The following UPRT variants were observed in gnomAD, a reference collection of about 807,000 sequenced individuals.
UPRT encodes the protein RP11-311P8.3.
A neutral mutation model predicts 22.6 loss-of-function variants in UPRT; 5 were observed. The observed-to-expected ratio is 0.22, with a 90% CI of 0.12 to 0.47. UPRT has a LOEUF of 0.47. UPRT is among the 20% of genes least tolerant of loss of function. The pLI is 0.99. For synonymous variants in UPRT, 77 were observed against 87.7 expected (o/e 0.88, Z 0.68); for missense variants, 181 against 239.9 (o/e 0.75, Z 1.62).
upstream of UPRT, among the ~76,000 whole-genome samples, chrX:75,269,860 C>G (rs1398783360): frequency 9.0e-6 from 1 of 111,340 alleles, no homozygotes; most frequent in Non-Finnish European, 1.9e-5. Flanking sequence ...GACTTCATGA[C>G]TAAAACAGCA....
In UPRT at chrX:75,288,460, A is replaced by G. The variant is rs1353717176; in HGVS notation, c.387-5012A>G. 2.7e-5 allele frequency among the ~76,000 whole-genome samples: 3 copies of G among 112,325 alleles called. No homozygotes were observed. The Admixed American group carries it at 2.8e-4, about 11-fold the overall frequency. On this transcript the variant is annotated intron_variant, in intron 1 of 6. Coordinates refer to ENST00000373383, the MANE Select transcript of UPRT (RefSeq NM_145052.4). ...AAAATACTAGCGAAACAAATTCAAC[A>G]GCACATCAAAAAGTTAATTTGCCAT...
chrX:75,250,353 A>T (rs1265420341), intron 4 of UPRT, among the ~76,000 whole-genome samples: 1 of 110,739 alleles, frequency 9.0e-6, no homozygotes. Flanking sequence ...AATCAATTAG[A>T]TGCAATAAAA....
chrX:75,277,772 ATCTTGTTT>A (rs2082637420), intron 1 of UPRT, among the ~76,000 whole-genome samples: 2 of 111,851 alleles, frequency 1.8e-5, no homozygotes, highest in Non-Finnish European at 3.8e-5. Context: ...GATAATTTTT[ATCTTGTTT>A]TGATATAGTA....
chrX:75,159,186 G>A (rs1334019129), intron 1 of UPRT, among the ~76,000 whole-genome samples: 2 of 111,096 alleles, frequency 1.8e-5, no homozygotes, highest in Non-Finnish European at 3.8e-5. Context: ...TACTTTTTTA[G>A]CTCCCACATA....
chrX:75,256,347 C>G (rs961729325), intron 4 of UPRT, among the ~76,000 whole-genome samples: 1 of 111,808 alleles, frequency 8.9e-6, no homozygotes, highest in Non-Finnish European at 1.9e-5. Context: ...ATCAAATCCT[C>G]TAGGTACAGC....
chrX:75,280,400 T>C (rs2082650503), intron 1 of UPRT, among the ~76,000 whole-genome samples: 1 of 112,406 alleles, frequency 8.9e-6, no homozygotes, highest in Non-Finnish European at 1.9e-5. Flanking sequence ...TTTTATAGTT[T>C]CAGGTCTTAG....
intron 4 of UPRT, among the ~76,000 whole-genome samples, chrX:75,217,225 T>C (rs1270285089): frequency 9.0e-6 from 1 of 111,117 alleles, no homozygotes; most frequent in Non-Finnish European, 1.9e-5. Context: ...AAAAAGAGTG[T>C]TGTTACGTAG....
intron 4 of UPRT, among the ~76,000 whole-genome samples, chrX:75,247,669 G>A (rs1233386729): frequency 8.9e-6 from 1 of 112,690 alleles, no homozygotes; most frequent in Non-Finnish European, 1.9e-5. Flanking sequence ...CAAACAAAAG[G>A]CAGCAGTAAA....
chrX:75,284,176 C>T (rs2082670302), intron 1 of UPRT, among the ~76,000 whole-genome samples: 1 of 111,321 alleles, frequency 9.0e-6, no homozygotes, highest in Non-Finnish European at 1.9e-5. Flanking sequence ...CTATCTGTTT[C>T]CTTGAATATT....
intron 4 of UPRT, among the ~76,000 whole-genome samples, chrX:75,235,082 C>CA (rs1254672396): frequency 1.8e-3 from 203 of 109,802 alleles, no homozygotes; most frequent in Non-Finnish European, 2.0e-3. Flanking sequence ...CAAATAGATG[C>CA]AAAAAAAATG....
chrX:75,225,415 A>G (rs1252108532), intron 4 of UPRT, among the ~76,000 whole-genome samples: 1 of 109,411 alleles, frequency 9.1e-6, no homozygotes, highest in Non-Finnish European at 1.9e-5. Flanking sequence ...TCTTGACCAC[A>G]GTTACCTGGA....
upstream of UPRT, among the ~76,000 whole-genome samples, chrX:75,270,938 A>G: frequency 9.0e-6 from 1 of 111,608 alleles, no homozygotes; most frequent in Non-Finnish European, 1.9e-5. Context: ...TGAAAAAAAA[A>G]TCCTTAGGAA....
In UPRT at chrX:75,303,566, C is replaced by T; in HGVS notation, c.*55C>T. 1.8e-5 allele frequency: 18 copies of T among 1,001,016 alleles called. No homozygotes were observed. Among genetic ancestry groups the T allele is most frequent in the Non-Finnish European group, 2.4e-5 (18 of 736,217 alleles). The allele number at this position is 1,001,016 out of a possible 1,213,427, so 82.5% of individuals were successfully genotyped here. ...AATATTACAATCATGTTTTGATTTT[C>T]TATTTGTTTTACTGATTCACTTGAG... On this transcript the variant is annotated 3_prime_UTR_variant, in exon 7 of 7. Transcript: ENST00000373383.
intron 4 of UPRT, among the ~76,000 whole-genome samples, chrX:75,233,191 G>A (rs1422443280): frequency 9.0e-6 from 1 of 110,961 alleles, no homozygotes; most frequent in Non-Finnish European, 1.9e-5. Flanking sequence ...TATCAGCAAT[G>A]GAAGATGAAA....
At chrX:75,172,728 C>T (rs186584510) in intron 4 of UPRT, among the ~76,000 whole-genome samples, 116 of 109,325 alleles carry the variant, frequency 1.1e-3, no homozygotes, top group African/African-American at 3.5e-3. Flanking sequence ...TGCAGACTTT[C>T]GCGGTGAGTG....
chrX:75,188,576 G>C (rs1263953432), intron 4 of UPRT, among the ~76,000 whole-genome samples: 1 of 112,798 alleles, frequency 8.9e-6, no homozygotes, highest in Non-Finnish European at 1.9e-5. Flanking sequence ...AGGCTGCTTT[G>C]TTTACCTAAG....
chrX:75,195,063 C>T, intron 4 of UPRT, among the ~76,000 whole-genome samples: 1 of 111,332 alleles, frequency 9.0e-6, no homozygotes, highest in Non-Finnish European at 1.9e-5. Flanking sequence ...AAAGTTTCAC[C>T]CCCCTACACA....
chrX:75,187,816 A>G (rs1322694550), intron 4 of UPRT, among the ~76,000 whole-genome samples: 1 of 111,971 alleles, frequency 8.9e-6, no homozygotes, highest in African/African-American at 3.2e-5. Flanking sequence ...TGACCGCATC[A>G]GCTCCTGAGG....
At chrX:75,272,345 C>CGTATATATATAT (rs2082612925), upstream of UPRT, among the ~76,000 whole-genome samples, 1 of 78,247 alleles carries the variant, frequency 1.3e-5, no homozygotes, top group African/African-American at 6.2e-5. Flanking sequence ...TATATATATA[C>CGTATATATATAT]ACATATATAT....
Sources: allele counts gnomAD v4.1 joint callset (sites outside exome capture counted in the v4.1 genomes callset), GRCh38; gene constraint gnomAD v4.1.1; transcripts MANE v1.5; gene names NCBI Gene and HGNC (gene_info 2026-07-23, HGNC 2026-07-21).